The following LRRC49 variants were observed in gnomAD, a reference collection of about 807,000 sequenced individuals.
LRRC49 encodes the protein leucine-rich repeat-containing protein 49.
LRRC49 carries 50 observed loss-of-function variants against 83.3 expected under a neutral mutation model. The ratio of observed to expected loss-of-function variants is 0.60; its 90% CI spans 0.48 to 0.76. The LOEUF (loss-of-function observed/expected upper bound fraction) is 0.76, where lower values mean the gene tolerates loss of function less well. Among genes scored for constraint, LRRC49 ranks in the 30% least tolerant of loss-of-function variants. The probability of loss-of-function intolerance (pLI) is 0.00; values close to 1 mark genes in which losing one functional copy is unlikely to be tolerated. For missense variants in LRRC49, 704 were observed against 809.1 expected (o/e 0.87, Z 1.58); for synonymous variants, 286 against 283.3 (o/e 1.01, Z -0.10).
chr15:70,944,087 T>C (rs942163295), intron 8 of LRRC49, among the ~76,000 whole-genome samples: 2 of 152,194 alleles, frequency 1.3e-5, no homozygotes, highest in Non-Finnish European at 2.9e-5. Flanking sequence ...TTTTTTCCCA[T>C]GGTGCTGTGA....
intron 11 of LRRC49, among the ~76,000 whole-genome samples, chr15:70,991,567 A>G (rs1397806506): frequency 6.6e-6 from 1 of 152,182 alleles, no homozygotes; most frequent in Non-Finnish European, 1.5e-5. Flanking sequence ...TGGCAAGTTC[A>G]AGTTTTGCTT....
chr15:70,922,125 A>T (rs2035028633), intron 7 of LRRC49, among the ~76,000 whole-genome samples: 1 of 151,936 alleles, frequency 6.6e-6, no homozygotes, highest in Non-Finnish European at 1.5e-5. Context: ...GGAGGTTCCT[A>T]AAAAAAACTA....
chr15:70,926,434 G>A (rs1183548830), intron 7 of LRRC49, among the ~76,000 whole-genome samples: 1 of 152,016 alleles, frequency 6.6e-6, no homozygotes, highest in African/African-American at 2.4e-5. Context: ...TTTCTCTTAG[G>A]TAAATATGTA....
At chr15:70,879,652 T>C (rs1036920923) in intron 2 of LRRC49, among the ~76,000 whole-genome samples, 21 of 152,160 alleles carry the variant, frequency 1.4e-4, no homozygotes, top group African/African-American at 4.6e-4. Flanking sequence ...ATTTGGGGTC[T>C]CCTCCCCTCT....
chr15:70,998,720 T>G (rs993393987), intron 11 of LRRC49, among the ~76,000 whole-genome samples: 4 of 152,006 alleles, frequency 2.6e-5, no homozygotes, highest in African/African-American at 9.7e-5. Context: ...TTTTATGTCT[T>G]TTATCAAATT....
rs140004660 is a variant in LRRC49 at position 70,877,407 on chromosome 15, A to G, written c.18+4184A>G. Among the ~76,000 whole-genome samples, 1,073 of 152,136 alleles carry G rather than the reference A, an allele frequency of 7.1e-3. 14 individuals carry two copies. Among genetic ancestry groups the G allele is most frequent in the African/African-American group, 0.024 (975 of 41,480 alleles). ...GATGGATTCCTTTCTGTCACTATAG[A>G]TTTTTTTCTTTTCTAGAATTTTATA... On this transcript the variant is annotated intron_variant, in intron 2 of 16. Coordinates refer to the LRRC49 transcript ENST00000544974.
At position 71,020,981 on chromosome 15, in the gene LRRC49, T is replaced by C. The variant is rs138540041; in HGVS notation, c.1703+8068T>C. Among the ~76,000 whole-genome samples, 608 of 152,216 alleles carry C rather than the reference T, an allele frequency of 4.0e-3. 4 individuals carry two copies. The highest frequency in any genetic ancestry group is 4.4e-3 in the Non-Finnish European group (301 of 68,022). ...AATCTTTTGGTTTCCTTGGGCCACA[T>C]TGGAAGAAGAATTGCCTTGGGCTAC... is the stretch of plus-strand genomic sequence containing the variant. On this transcript the variant is annotated intron_variant, in intron 14 of 15. Transcript: ENST00000260382.
At chr15:70,924,243 C>T (rs1363434800) in intron 7 of LRRC49, among the ~76,000 whole-genome samples, 1 of 151,578 alleles carries the variant, frequency 6.6e-6, no homozygotes, top group Admixed American at 6.6e-5. Context: ...AATGCATAGC[C>T]CCCCTTTTAA....
chr15:70,993,628 C>A (rs1431010363), intron 11 of LRRC49, among the ~76,000 whole-genome samples: 2 of 152,058 alleles, frequency 1.3e-5, no homozygotes, highest in Non-Finnish European at 2.9e-5. Context: ...ATTTAAATGG[C>A]AAAATATAAT....
At chr15:70,876,904 A>G (rs1009403574) in intron 2 of LRRC49, among the ~76,000 whole-genome samples, 6 of 152,188 alleles carry the variant, frequency 3.9e-5, no homozygotes, top group African/African-American at 1.4e-4. Flanking sequence ...CAGTGCCCAA[A>G]GGTTAAAGGC....
chr15:70,879,766 C>A (rs754651305), intron 2 of LRRC49, among the ~76,000 whole-genome samples: 4 of 152,160 alleles, frequency 2.6e-5, no homozygotes, highest in Non-Finnish European at 4.4e-5. Context: ...TTCCAGAAGT[C>A]CCACAGAGGA....
chr15:70,869,011 GAT>G (rs1389270348), intron 1 of LRRC49, among the ~76,000 whole-genome samples: 5 of 152,124 alleles, frequency 3.3e-5, no homozygotes, highest in Non-Finnish European at 7.3e-5. Flanking sequence ...TATGTAAAAT[GAT>G]AGATACTTGG....
At chr15:70,906,684 T>C (rs954216941) in intron 5 of LRRC49, among the ~76,000 whole-genome samples, 24 of 152,190 alleles carry the variant, frequency 1.6e-4, no homozygotes, top group Non-Finnish European at 2.9e-5. Flanking sequence ...ACTTGTGCCT[T>C]GAAGGTACCA....
intron 7 of LRRC49, among the ~76,000 whole-genome samples, chr15:70,934,970 C>T (rs1309107957): frequency 2.0e-5 from 3 of 152,164 alleles, no homozygotes; most frequent in African/African-American, 7.2e-5. Flanking sequence ...GCTGCCATTT[C>T]CTTTGGAAAC....
In LRRC49 at chr15:71,052,997, T is replaced by C. The variant is rs1303217911; in HGVS notation, c.*3385T>C. 1 of 152,236 alleles carries C rather than the reference T, an allele frequency of 6.6e-6. No homozygotes were observed. The highest frequency in any genetic ancestry group is 1.5e-5 in the Non-Finnish European group (1 of 68,048). 9.4% of individuals were successfully genotyped at this position (152,236 alleles called of 1,614,324 possible). On this transcript the variant is annotated 3_prime_UTR_variant, in exon 16 of 16. Coordinates refer to ENST00000260382, the MANE Select transcript of LRRC49 (RefSeq NM_017691.5). ...TGTGCGGTATAAATACTAACAAATG[T>C]ATAAGTACACATGTACAATATTGTG...
chr15:71,040,415 G>T (rs1048785561), intron 15 of LRRC49, among the ~76,000 whole-genome samples: 2 of 152,086 alleles, frequency 1.3e-5, no homozygotes, highest in Admixed American at 1.3e-4. Context: ...ATATGGCAAG[G>T]GTAAAGGGGT....
chr15:70,956,469 T>C (rs2036404368), intron 8 of LRRC49, among the ~76,000 whole-genome samples: 1 of 146,050 alleles, frequency 6.8e-6, no homozygotes, highest in African/African-American at 2.5e-5. Flanking sequence ...TCTAAAGAGA[T>C]GAGAGCAATT....
At chr15:70,912,860 G>A (rs996693303) in intron 6 of LRRC49, among the ~76,000 whole-genome samples, 4 of 151,890 alleles carry the variant, frequency 2.6e-5, no homozygotes, top group Non-Finnish European at 5.9e-5. Context: ...TGTATTTTTA[G>A]TAGAGACAGG....
chr15:71,022,852 A>G (rs1200630149), intron 14 of LRRC49, among the ~76,000 whole-genome samples: 2 of 152,228 alleles, frequency 1.3e-5, no homozygotes, highest in Admixed American at 1.3e-4. Flanking sequence ...GCAACTGCAC[A>G]TTCTTGTCAA....
Sources: gnomAD v4.1 joint callset for allele counts (sites outside exome capture counted in the v4.1 genomes callset) on GRCh38, gnomAD v4.1.1 for gene constraint, MANE v1.5 for transcripts, NCBI Gene and HGNC (gene_info 2026-07-23, HGNC 2026-07-21) for gene names.